Variants in PARD3B observed in about 807,000 individuals in gnomAD.
PARD3B encodes partitioning defective 3 homolog B.
Under a neutral mutation model 130.2 loss-of-function variants are expected in PARD3B, and 103 were observed. The ratio of observed to expected loss-of-function variants is 0.79; its 90% CI spans 0.67 to 0.93. PARD3B has a LOEUF of 0.93. PARD3B is among the 40% of genes least tolerant of loss of function. The probability of loss-of-function intolerance (pLI) is 0.00; values close to 1 mark genes in which losing one functional copy is unlikely to be tolerated. For missense variants in PARD3B, 1,609 were observed against 1,499.2 expected (o/e 1.07, Z -1.21); for synonymous variants, 583 against 553.2 (o/e 1.05, Z -0.76).
chr2:205,560,715 T>A (rs944868511), intron 22 of PARD3B, among the ~76,000 whole-genome samples: 5 of 152,176 alleles, frequency 3.3e-5, no homozygotes, highest in African/African-American at 1.2e-4. Context: ...CCATGTTACA[T>A]AAGTTACTTG....
intron 1 of PARD3B, among the ~76,000 whole-genome samples, chr2:204,641,613 C>G (rs12466792): frequency 0.99 from 150,673 of 152,298 alleles, 74,562 homozygotes; most frequent in Middle Eastern, 1. Context: ...TGTTTACTCT[C>G]TATGTCAGGC....
Position 205,304,125 on chromosome 2 carries a change from G to A in PARD3B, c.2630+2424G>A, listed in dbSNP as rs2105913758. 2.0e-5 allele frequency among the ~76,000 whole-genome samples: 3 copies of A among 152,252 alleles called. No individual in the cohort carries two copies. The South Asian group carries it at 6.2e-4, about 32-fold the overall frequency. On this transcript the variant is annotated intron_variant, in intron 18 of 22. Transcript: ENST00000406610. The stretch of plus-strand genomic sequence containing the variant: ...GAAAGTTCCATCATTCCATATATAA[G>A]TGACATTTAGGGAATACAAATAATC...
At chr2:204,708,345 T>C (rs935288184) in intron 2 of PARD3B, among the ~76,000 whole-genome samples, 1 of 152,158 alleles carries the variant, frequency 6.6e-6, no homozygotes, top group African/African-American at 2.4e-5. Context: ...CACACATGAT[T>C]TGTGATTATG....
chr2:204,936,753 G>A (rs17457674), intron 2 of PARD3B, among the ~76,000 whole-genome samples: 22,505 of 152,162 alleles, frequency 0.15, 2,118 homozygotes, highest in Non-Finnish European at 0.22. Flanking sequence ...TCTGTCTAAT[G>A]TTAACCATGA....
At chr2:205,277,255 C>A (rs1471512994) in intron 16 of PARD3B, among the ~76,000 whole-genome samples, 2 of 152,166 alleles carry the variant, frequency 1.3e-5, no homozygotes, top group East Asian at 3.8e-4. Context: ...GGGGAGTGTG[C>A]TTGGGTTCAA....
intron 12 of PARD3B, among the ~76,000 whole-genome samples, chr2:205,175,809 G>A (rs373509539): frequency 3.3e-5 from 5 of 152,176 alleles, no homozygotes; most frequent in Admixed American, 6.5e-5. Flanking sequence ...AAGATGGATC[G>A]TAGGGGTGTT....
chr2:204,937,907 A>G (rs367771264), intron 2 of PARD3B, among the ~76,000 whole-genome samples: 31 of 152,300 alleles, frequency 2.0e-4, no homozygotes, highest in African/African-American at 7.2e-4. Context: ...CTTCGGGGAA[A>G]TCTGTCCTAC....
chr2:205,155,572 G>A (rs1028901984), intron 10 of PARD3B, among the ~76,000 whole-genome samples: 1 of 151,998 alleles, frequency 6.6e-6, no homozygotes, highest in South Asian at 2.1e-4. Context: ...CATTTATAAA[G>A]AAAAAATAAT....
At chr2:205,596,308 G>C (rs917958452) in intron 22 of PARD3B, among the ~76,000 whole-genome samples, 7 of 152,152 alleles carry the variant, frequency 4.6e-5, no homozygotes, top group African/African-American at 1.7e-4. Context: ...ACACAGTTCA[G>C]TAACCTTTGT....
chr2:204,642,014 A>G (rs2035093901), intron 1 of PARD3B, among the ~76,000 whole-genome samples: 1 of 152,344 alleles, frequency 6.6e-6, no homozygotes, highest in South Asian at 2.1e-4. Flanking sequence ...AAAAAAAAAT[A>G]GCCTGGAGGC....
chr2:205,298,280 A>G (rs2041865897), intron 16 of PARD3B, among the ~76,000 whole-genome samples: 1 of 152,108 alleles, frequency 6.6e-6, no homozygotes. Context: ...ATTTTCTGTA[A>G]ACTCCAAAGC....
chr2:204,826,147 A>C lies in PARD3B; in HGVS notation c.223-139005A>C, dbSNP rs1234451933. Among the ~76,000 whole-genome samples, 2 of 152,198 alleles carry C rather than the reference A, an allele frequency of 1.3e-5. 1 individual carries two copies. The highest frequency in any genetic ancestry group is 1.3e-4 in the Admixed American group (2 of 15,286). On this transcript the variant is annotated intron_variant, in intron 2 of 22. Transcript: ENST00000406610. ...CTGAAATTACCTTTACAGTCTTATA[A>C]TAACCTTGAAAAGTATTATATAGTT...
At chr2:205,503,729 A>T (rs1183461739) in intron 21 of PARD3B, among the ~76,000 whole-genome samples, 2 of 152,088 alleles carry the variant, frequency 1.3e-5, no homozygotes, top group Non-Finnish European at 2.9e-5. Flanking sequence ...TGGTAGCTTG[A>T]TGGGGATGGC....
chr2:204,713,755 C>T (rs559708137), intron 2 of PARD3B, among the ~76,000 whole-genome samples: 1 of 152,232 alleles, frequency 6.6e-6, no homozygotes, highest in Admixed American at 6.5e-5. Flanking sequence ...TTATATAAGG[C>T]TGAATAATAG....
chr2:204,854,150 T>C (rs1433806446), intron 2 of PARD3B, among the ~76,000 whole-genome samples: 1 of 152,102 alleles, frequency 6.6e-6, no homozygotes, highest in East Asian at 1.9e-4. Flanking sequence ...GAACAAGTGA[T>C]GTAAGATGAA....
At chr2:204,851,387 T>C (rs1300055158) in intron 2 of PARD3B, among the ~76,000 whole-genome samples, 1 of 152,200 alleles carries the variant, frequency 6.6e-6, no homozygotes, top group Non-Finnish European at 1.5e-5. Context: ...TCTGATTTAA[T>C]AGAATAGCAG....
intron 21 of PARD3B, among the ~76,000 whole-genome samples, chr2:205,528,383 G>T (rs1227421126): frequency 6.6e-6 from 1 of 152,152 alleles, no homozygotes; most frequent in Non-Finnish European, 1.5e-5. Flanking sequence ...GGCCCAGATG[G>T]GTAACTGAGG....
chr2:205,052,587 C>T (rs951222659), intron 4 of PARD3B, among the ~76,000 whole-genome samples: 2 of 151,186 alleles, frequency 1.3e-5, no homozygotes, highest in African/African-American at 4.9e-5. Context: ...GAAAGAGATT[C>T]TATTACTTCA....
intron 1 of PARD3B, among the ~76,000 whole-genome samples, chr2:204,661,332 T>C (rs1294031047): frequency 6.6e-6 from 1 of 152,164 alleles, no homozygotes; most frequent in African/African-American, 2.4e-5. Flanking sequence ...TTTGCTTGTG[T>C]TTCCCACCTG....
Sources: allele counts gnomAD v4.1 joint callset (sites outside exome capture counted in the v4.1 genomes callset), GRCh38; gene constraint gnomAD v4.1.1; transcripts MANE v1.5; gene names NCBI Gene and HGNC (gene_info 2026-07-23, HGNC 2026-07-21).